ELF2: variants seen among roughly 807,000 people sequenced by gnomAD.
ELF2 encodes the protein ETS-related transcription factor Elf-2.
In ELF2, 11 loss-of-function variants were observed where a neutral mutation model predicts 54.8. The observed-to-expected ratio is 0.20, with a 90% CI of 0.13 to 0.33. ELF2 has a LOEUF of 0.33. Among genes scored for constraint, ELF2 ranks in the 10% least tolerant of loss-of-function variants. The probability of loss-of-function intolerance (pLI) is 1.00; values close to 1 mark genes in which losing one functional copy is unlikely to be tolerated. For synonymous variants in ELF2, 203 were observed against 245.1 expected (o/e 0.83, Z 1.61); for missense variants, 513 against 703.0 (o/e 0.73, Z 3.06).
At position 139,152,427 on chromosome 4, in the gene ELF2, C is replaced by T. The variant is rs1482122961; in HGVS notation, c.-251-12930G>A. On this transcript the variant is annotated intron_variant, in intron 1 of 9. Transcript: ENST00000686138. ...ACGGCTCACTGCAGCCTTAACCTCCCAAGCTCAAGTGATCCTCCCACCTCT... is the reference window on the plus strand; with the variant it reads ...ACGGCTCACTGCAGCCTTAACCTCCTAAGCTCAAGTGATCCTCCCACCTCT... Among the ~76,000 whole-genome samples, 5 of 152,120 alleles carry T rather than the reference C, an allele frequency of 3.3e-5. No individual in the cohort carries two copies. The South Asian group carries it at 8.3e-4, about 25-fold the overall frequency.
chr4:139,171,364 G>GCACT (rs1311178162), intron 1 of ELF2, among the ~76,000 whole-genome samples: 1 of 152,254 alleles, frequency 6.6e-6, no homozygotes, highest in African/African-American at 2.4e-5. Flanking sequence ...TCGCACCACT[G>GCACT]CACTCCAGCC....
At chr4:139,148,189 T>C (rs981244375) in intron 1 of ELF2, among the ~76,000 whole-genome samples, 2 of 151,544 alleles carry the variant, frequency 1.3e-5, no homozygotes, top group Non-Finnish European at 2.9e-5. Flanking sequence ...TAATATGTGA[T>C]TTTTTTGGGG....
At chr4:139,069,270 T>C (rs544721915) in intron 6 of ELF2, among the ~76,000 whole-genome samples, 1 of 152,322 alleles carries the variant, frequency 6.6e-6, no homozygotes, top group African/African-American at 2.4e-5. Flanking sequence ...AGATTAATTA[T>C]ATAAAGAGCT....
intron 2 of ELF2, among the ~76,000 whole-genome samples, chr4:139,138,861 T>C (rs1413846404): frequency 6.6e-6 from 1 of 152,244 alleles, no homozygotes; most frequent in Admixed American, 6.5e-5. Flanking sequence ...TGTTTTGATA[T>C]TAGTTCAAGA....
At chr4:139,088,155 C>T (rs561845769) in intron 4 of ELF2, among the ~76,000 whole-genome samples, 4 of 151,648 alleles carry the variant, frequency 2.6e-5, no homozygotes, top group South Asian at 2.1e-4. Context: ...GGTGTGGTGG[C>T]GCATGCCTGT....
chr4:139,083,890 C>T lies in ELF2; in HGVS notation c.239-10323G>A, dbSNP rs1034794475. On this transcript the variant is annotated intron_variant, in intron 4 of 9. Coordinates refer to ENST00000686138, the MANE Select transcript of ELF2 (RefSeq NM_001331036.3). ...CTCAGCCCGGCAGCTGCTGCTGCTGCTCGCCGAACCCACCCTGAAGCGACA... is the reference window on the plus strand; with the variant it reads ...CTCAGCCCGGCAGCTGCTGCTGCTGTTCGCCGAACCCACCCTGAAGCGACA... Among the ~76,000 whole-genome samples, 5 of 152,346 alleles carry T rather than the reference C, an allele frequency of 3.3e-5. No individual in the cohort carries two copies. The East Asian group carries it at 9.6e-4, about 29-fold the overall frequency.
At chr4:139,110,280 AACAAT>A (rs1218840490) in intron 4 of ELF2, among the ~76,000 whole-genome samples, 1 of 152,134 alleles carries the variant, frequency 6.6e-6, no homozygotes, top group East Asian at 1.9e-4. Context: ...CTTCCCCCAA[AACAAT>A]ATGATGGGCT....
At chr4:139,125,762 C>T (rs905341217) in intron 3 of ELF2, among the ~76,000 whole-genome samples, 3 of 145,350 alleles carry the variant, frequency 2.1e-5, no homozygotes, top group African/African-American at 7.8e-5. Context: ...CCCAGCAAAG[C>T]CAAATCAGTC....
chr4:139,076,707 G>T (rs575103001), intron 4 of ELF2, among the ~76,000 whole-genome samples: 152 of 151,984 alleles, frequency 1.0e-3, no homozygotes, highest in Admixed American at 2.6e-3. Context: ...AATGAAATTT[G>T]CCTAACAGTT....
At chr4:139,087,157 C>T (rs1387470002) in intron 4 of ELF2, among the ~76,000 whole-genome samples, 1 of 152,220 alleles carries the variant, frequency 6.6e-6, no homozygotes, top group Non-Finnish European at 1.5e-5. Flanking sequence ...GGGCCAGGCT[C>T]TCCTTGAGAC....
Position 139,139,412 on chromosome 4 carries a change from C to A in ELF2, c.-167+1G>T. 1 of 1,222,154 alleles carries A rather than the reference C, an allele frequency of 8.2e-7. No individual in the cohort carries two copies. The highest frequency in any genetic ancestry group is 3.2e-5 in the East Asian group (1 of 31,454). 75.7% of individuals were successfully genotyped at this position (1,222,154 alleles called of 1,614,324 possible). On this transcript the variant is annotated splice_donor_variant, in intron 2 of 9. Coordinates refer to ENST00000686138, the MANE Select transcript of ELF2 (RefSeq NM_001331036.3). LOFTEE classifies it low-confidence loss of function (5UTR_SPLICE). ...TAATAGCAGAAATAAATTTTACTTACAGTTTGTATGTTAAGTAGTCTAAGC... is the reference window on the plus strand; with the variant it reads ...TAATAGCAGAAATAAATTTTACTTAAAGTTTGTATGTTAAGTAGTCTAAGC...
intron 4 of ELF2, among the ~76,000 whole-genome samples, chr4:139,114,015 A>G (rs1169223519): frequency 6.6e-6 from 1 of 152,176 alleles, no homozygotes. Flanking sequence ...TGCTATTTTA[A>G]CGAGCCCTTA....
chr4:139,078,247 T>C (rs934866756), intron 4 of ELF2, among the ~76,000 whole-genome samples: 1 of 152,058 alleles, frequency 6.6e-6, no homozygotes, highest in Non-Finnish European at 1.5e-5. Context: ...AAGTCAAAAA[T>C]AAAATTTAGT....
chr4:139,087,591 G>A (rs1398437777), intron 4 of ELF2, among the ~76,000 whole-genome samples: 4 of 152,140 alleles, frequency 2.6e-5, no homozygotes, highest in Middle Eastern at 3.4e-3. Context: ...TCAGCCTCCC[G>A]AGTAGCTGGG....
chr4:139,158,440 G>A (rs994016639), intron 1 of ELF2, among the ~76,000 whole-genome samples: 9 of 152,074 alleles, frequency 5.9e-5, no homozygotes, highest in South Asian at 2.1e-4. Context: ...TTGGGGCAGC[G>A]AAAATTTTTG....
intron 4 of ELF2, among the ~76,000 whole-genome samples, chr4:139,101,059 G>T (rs190874597): frequency 9.9e-4 from 151 of 152,280 alleles, no homozygotes; most frequent in Admixed American, 2.6e-3. Flanking sequence ...ATAAATAAAT[G>T]ACTTCTCAAC....
At chr4:139,086,942 G>A (rs988704262) in intron 4 of ELF2, among the ~76,000 whole-genome samples, 2 of 152,224 alleles carry the variant, frequency 1.3e-5, no homozygotes, top group Admixed American at 1.3e-4. Context: ...GCTAATTTTA[G>A]ATTCCTTTTA....
intron 1 of ELF2, among the ~76,000 whole-genome samples, chr4:139,143,060 C>T (rs993912448): frequency 6.6e-6 from 1 of 152,144 alleles, no homozygotes; most frequent in Non-Finnish European, 1.5e-5. Context: ...ATTGCACTGG[C>T]AGAATCTACC....
chr4:139,176,795 C>G (rs1227520443), intron 1 of ELF2, among the ~76,000 whole-genome samples, 172 bp downstream of exon 1: 2 of 152,082 alleles, frequency 1.3e-5, no homozygotes, highest in East Asian at 1.9e-4. Flanking sequence ...CCCCCAGCCC[C>G]CGGCCGGTGT....
Sources: gnomAD v4.1 joint callset for allele counts (sites outside exome capture counted in the v4.1 genomes callset) on GRCh38, gnomAD v4.1.1 for gene constraint, MANE v1.5 for transcripts, NCBI Gene and HGNC (gene_info 2026-07-23, HGNC 2026-07-21) for gene names.